Variants in ATP8B4 observed in about 807,000 individuals in gnomAD.
The protein encoded by ATP8B4 is probable phospholipid-transporting ATPase IM.
ATP8B4 carries 133 observed loss-of-function variants against 145.6 expected under a neutral mutation model. That is an observed-to-expected ratio of 0.91 (90% CI 0.79 to 1.05). The LOEUF (loss-of-function observed/expected upper bound fraction) is 1.05. Among genes scored for constraint, ATP8B4 ranks in the 50% least tolerant of loss-of-function variants. ATP8B4 has a pLI of 0.00. For synonymous variants in ATP8B4, 507 were observed against 492.9 expected (o/e 1.03, Z -0.38); for missense variants, 1,458 against 1,425.2 (o/e 1.02, Z -0.37).
Position 49,972,746 on chromosome 15 carries a change from T to G in ATP8B4, c.1079A>C (p.Asp360Ala). 7.4e-6 allele frequency: 12 copies of G among 1,614,002 alleles called. No individual in the cohort carries two copies. The highest frequency in any genetic ancestry group is 1.0e-5 in the Non-Finnish European group (12 of 1,179,958). Residue 360 changes from aspartate to alanine, a missense_variant, in exon 13 of 28, where the codon GAC becomes GCC. By Grantham distance (126) the Asp-to-Ala change is moderately radical. Coordinates refer to ENST00000284509, the MANE Select transcript of ATP8B4 (RefSeq NM_024837.4). ...RLGHSYFINW[D>A]RKMYYSRKAI... ...TTTTCGAGAATAATACATCTTCCGG[T>G]CCCAGTTTATAAAATAACTGTGTCC... is the stretch of plus-strand genomic sequence containing the variant.
intron 15 of ATP8B4, 103 bp from the exon 16 acceptor site, chr15:49,931,410 C>T: frequency 8.8e-7 from 1 of 1,140,548 alleles, no homozygotes; most frequent in South Asian, 1.6e-5. Context: ...ACTCAAGCAT[C>T]AGGTCTAAAA....
intron 14 of ATP8B4, among the ~76,000 whole-genome samples, chr15:49,937,116 T>A (rs2041805674): frequency 6.6e-6 from 1 of 152,200 alleles, no homozygotes; most frequent in African/African-American, 2.4e-5. Context: ...TTTTACTGCA[T>A]TTTGGTTTTT....
chr15:50,001,776 G>A (rs1398184793), intron 8 of ATP8B4, among the ~76,000 whole-genome samples: 1 of 152,020 alleles, frequency 6.6e-6, no homozygotes, highest in Non-Finnish European at 1.5e-5. Flanking sequence ...AGTTCCAAAA[G>A]GTTGCCTTTT....
At chr15:50,032,238 T>C (rs1008390542) in intron 6 of ATP8B4, among the ~76,000 whole-genome samples, 3 of 150,354 alleles carry the variant, frequency 2.0e-5, no homozygotes, top group Non-Finnish European at 4.4e-5. Context: ...CCTATGTCCA[T>C]GTGTTCTCAT....
chr15:49,871,193 T>C (rs560022320), intron 25 of ATP8B4, among the ~76,000 whole-genome samples: 11 of 152,364 alleles, frequency 7.2e-5, no homozygotes, highest in African/African-American at 2.6e-4. Context: ...ATGGTGGTAA[T>C]AGTACTTACA....
At chr15:50,103,415 T>C (rs772283652) in intron 2 of ATP8B4, among the ~76,000 whole-genome samples, 2 of 152,034 alleles carry the variant, frequency 1.3e-5, no homozygotes, top group Non-Finnish European at 2.9e-5. Flanking sequence ...AAAATTAATA[T>C]ACACAAATCA....
At chr15:49,959,271 T>C (rs1297908220) in intron 14 of ATP8B4, among the ~76,000 whole-genome samples, 2 of 152,018 alleles carry the variant, frequency 1.3e-5, no homozygotes, top group Non-Finnish European at 2.9e-5. Flanking sequence ...ACTTGTACTT[T>C]AGAAAAATAA....
chr15:50,023,779 CA>C (rs60030651), intron 6 of ATP8B4, among the ~76,000 whole-genome samples: 40,149 of 75,616 alleles, frequency 0.53, 7,248 homozygotes, highest in East Asian at 0.77. Flanking sequence ...AGACCAAAGG[CA>C]AAAAAAAAAA....
intron 1 of ATP8B4, among the ~76,000 whole-genome samples, chr15:50,138,322 ATAGG>A (rs770236485): frequency 2.7e-3 from 324 of 121,116 alleles, no homozygotes; most frequent in African/African-American, 8.7e-3. Flanking sequence ...AGATAGATAG[ATAGG>A]TAGATAGATA....
At chr15:49,912,798 A>G (rs1307100440) in intron 20 of ATP8B4, among the ~76,000 whole-genome samples, 1 of 152,138 alleles carries the variant, frequency 6.6e-6, no homozygotes, top group Non-Finnish European at 1.5e-5. Flanking sequence ...TAAGTCCAAC[A>G]GCAGGCTTGA....
intron 21 of ATP8B4, among the ~76,000 whole-genome samples, 192 bp downstream of exon 21, chr15:49,900,900 T>C (rs1354979949): frequency 6.6e-6 from 1 of 152,142 alleles, no homozygotes; most frequent in Non-Finnish European, 1.5e-5. Flanking sequence ...ACTGTGGTGA[T>C]CCAAATAATA....
intron 23 of ATP8B4, 75 bp from the exon 24 acceptor site, chr15:49,879,534 C>G (rs925155951): frequency 3.7e-6 from 5 of 1,349,996 alleles, no homozygotes; most frequent in Non-Finnish European, 5.1e-6. Context: ...GGTTAAATAA[C>G]CAGGTTTTCT....
In ATP8B4 at chr15:50,172,824, GC is replaced by G. The variant is rs2044700450; in HGVS notation, c.-43+9436del. Among the ~76,000 whole-genome samples the G allele has an allele frequency of 3.3e-5, 5 of 150,378 alleles. No homozygotes were observed. In the South Asian group the frequency reaches 1.1e-3, roughly 32 times the overall value. On this transcript the variant is annotated intron_variant, in intron 1 of 3. Transcript: ENST00000558829. ...TGTCTGGGAAATGAGGAGTGTCTCT[GC>G]CCCGCCACCACCCCGTCTGGGAGGT...
chr15:50,179,876 G>A (rs2044818617), intron 1 of ATP8B4, among the ~76,000 whole-genome samples: 1 of 152,134 alleles, frequency 6.6e-6, no homozygotes, highest in South Asian at 2.1e-4. Context: ...TTTTGTTATA[G>A]CAGCCCAAAC....
intron 1 of ATP8B4, among the ~76,000 whole-genome samples, chr15:50,149,199 T>C (rs1475737059): frequency 6.6e-6 from 1 of 152,202 alleles, no homozygotes; most frequent in African/African-American, 2.4e-5. Flanking sequence ...GATAATGCCA[T>C]GATTGATTGG....
intron 25 of ATP8B4, among the ~76,000 whole-genome samples, chr15:49,875,650 T>C (rs1460261145): frequency 2.0e-5 from 3 of 152,170 alleles, no homozygotes; most frequent in South Asian, 2.1e-4. Flanking sequence ...TTGGGCAACA[T>C]AGCAAGGCCT....
intron 1 of ATP8B4, among the ~76,000 whole-genome samples, chr15:50,149,684 T>C (rs2044322771): frequency 6.6e-6 from 1 of 152,198 alleles, no homozygotes; most frequent in Non-Finnish European, 1.5e-5. Flanking sequence ...AAAGACTCTC[T>C]AAAAATAAAT....
rs1436153814 is a variant in ATP8B4 at position 50,049,049 on chromosome 15, A to G, written c.88-1585T>C. On this transcript the variant is annotated intron_variant, in intron 3 of 27. Transcript: ENST00000284509. ...TAATTTGCAGAAAAAGTCCAGCATG[A>G]TAAAGCTCCCTGTGCAGAACCTTTG... 2.0e-5 allele frequency among the ~76,000 whole-genome samples: 3 copies of G among 152,336 alleles called. 1 individual carries two copies. The highest frequency in any genetic ancestry group is 7.2e-5 in the African/African-American group (3 of 41,578).
chr15:50,164,140 G>A (rs2044562498), intron 1 of ATP8B4, among the ~76,000 whole-genome samples: 1 of 152,124 alleles, frequency 6.6e-6, no homozygotes, highest in South Asian at 2.1e-4. Context: ...GGCTGAGCTG[G>A]TACTCAAGCT....
Sources: allele counts gnomAD v4.1 joint callset (sites outside exome capture counted in the v4.1 genomes callset), GRCh38; gene constraint gnomAD v4.1.1; transcripts MANE v1.5; gene names NCBI Gene and HGNC (gene_info 2026-07-23, HGNC 2026-07-21).